SATB2: variants seen among roughly 807,000 people sequenced by gnomAD.
SATB2 encodes the protein DNA-binding protein SATB2.
SATB2 carries 1 observed loss-of-function variant against 73.4 expected under a neutral mutation model. The observed-to-expected ratio is 0.01, with a 90% CI of 0.00 to 0.06. The LOEUF is 0.06. Ranked by LOEUF, SATB2 falls within the 10% of genes least tolerant of loss-of-function variation. SATB2 has a pLI of 1.00. For missense variants in SATB2, 459 were observed against 945.8 expected, an observed-to-expected ratio of 0.49 and a Z score of 6.75; for synonymous variants, 397 against 367.0, an observed-to-expected ratio of 1.08 and a Z score of -0.93.
At position 199,407,377 on chromosome 2, in the gene SATB2, G is replaced by A. The variant is rs181567173; in HGVS notation, c.347-25557C>T. ...CCTGAGGTCAGATGCCCTAATAAGA[G>A]GTGAGGCCAGGATCTGAAAGTTATC... is the stretch of plus-strand genomic sequence containing the variant. On this transcript the variant is annotated intron_variant, in intron 3 of 10. Coordinates refer to ENST00000417098, the MANE Select transcript of SATB2 (RefSeq NM_001172509.2). Among the ~76,000 whole-genome samples, 183 of 151,848 alleles carry A rather than the reference G, an allele frequency of 1.2e-3. 1 individual carries two copies. Among genetic ancestry groups the A allele is most frequent in the Non-Finnish European group, 3.5e-4 (24 of 67,970 alleles).
At chr2:199,458,692 C>T (rs886551354), upstream of SATB2, 4 of 443,296 alleles carry the variant, frequency 9.0e-6, no homozygotes, top group African/African-American at 2.1e-5. Context: ...CCTCGGCTCC[C>T]AGCTCTGTTA....
chr2:199,337,524 C>T (rs1214042908), intron 7 of SATB2, among the ~76,000 whole-genome samples: 3 of 151,964 alleles, frequency 2.0e-5, no homozygotes, highest in Non-Finnish European at 4.4e-5. Flanking sequence ...TTTTTTCTTT[C>T]ATGAAGCCTT....
At chr2:199,368,507 G>A (rs1483295460) in intron 6 of SATB2, 98 bp downstream of exon 6, 24 of 754,310 alleles carry the variant, frequency 3.2e-5, no homozygotes, top group Middle Eastern at 2.7e-4. Context: ...AAAAAATTAC[G>A]TAAATTGTAT....
At chr2:199,390,322 G>A (rs1690092299) in intron 3 of SATB2, among the ~76,000 whole-genome samples, 1 of 152,138 alleles carries the variant, frequency 6.6e-6, no homozygotes. Context: ...AAAGAAAAGT[G>A]TGATGAGAAA....
chr2:199,316,890 C>T lies in SATB2; in HGVS notation c.1542+6913G>A, dbSNP rs72929459. 7.4e-3 allele frequency among the ~76,000 whole-genome samples: 1,126 copies of T among 152,118 alleles called. 10 individuals are homozygous for T. The highest frequency in any genetic ancestry group is 0.011 in the Non-Finnish European group (763 of 68,010). ...ATCCTGGACTTCTTCACTTCAACGGCAGAAAGATATTAACAGCAAAATGCA... is the reference window on the plus strand; with the variant it reads ...ATCCTGGACTTCTTCACTTCAACGGTAGAAAGATATTAACAGCAAAATGCA... On this transcript the variant is annotated intron_variant, in intron 9 of 10. Coordinates refer to ENST00000417098, the MANE Select transcript of SATB2 (RefSeq NM_001172509.2).
chr2:199,448,990 A>G (rs1315788902), intron 2 of SATB2, among the ~76,000 whole-genome samples: 10 of 152,190 alleles, frequency 6.6e-5, no homozygotes, highest in Admixed American at 6.5e-4. Flanking sequence ...TGTCATAATC[A>G]TTAATAAAGA....
At chr2:199,347,911 G>A (rs1376299852) in intron 7 of SATB2, 1 of 152,130 alleles carries the variant, frequency 6.6e-6, no homozygotes, top group Non-Finnish European at 1.5e-5. Flanking sequence ...GATCTTGTTA[G>A]AAATGTCCAT....
chr2:199,325,914 T>C (rs1392829592), intron 8 of SATB2: 2 of 152,214 alleles, frequency 1.3e-5, no homozygotes, highest in Non-Finnish European at 2.9e-5. Flanking sequence ...AAGTACACCA[T>C]GGAATGCTGG....
rs1195214077 is a variant in SATB2 at position 199,433,329 on chromosome 2, C to T, written c.346+9G>A. ...GAGACTTGGGAGGAGAGGGGAGAGG[C>T]ATTAATACCTTGGGCCTGGGCCGCA... On this transcript the variant is annotated intron_variant, in intron 3 of 10. Coordinates refer to ENST00000417098, the MANE Select transcript of SATB2 (RefSeq NM_001172509.2). 1.9e-6 allele frequency: 3 copies of T among 1,612,876 alleles called. No homozygotes were observed. The highest frequency in any genetic ancestry group is 2.5e-6 in the Non-Finnish European group (3 of 1,179,594).
At chr2:199,363,710 C>A (rs1048401328) in intron 6 of SATB2, among the ~76,000 whole-genome samples, 5 of 152,108 alleles carry the variant, frequency 3.3e-5, no homozygotes, top group Admixed American at 6.5e-5. Flanking sequence ...AATCATTTCA[C>A]GTTGTATTAA....
chr2:199,439,448 C>A (rs1244640657), intron 2 of SATB2, among the ~76,000 whole-genome samples: 1 of 152,238 alleles, frequency 6.6e-6, no homozygotes, highest in African/African-American at 2.4e-5. Flanking sequence ...CGAGGGCTAA[C>A]TGGAGATTAT....
chr2:199,351,915 A>G (rs1403620843), intron 6 of SATB2, among the ~76,000 whole-genome samples: 1 of 152,188 alleles, frequency 6.6e-6, no homozygotes, highest in Non-Finnish European at 1.5e-5. Flanking sequence ...CTGTTACCCA[A>G]GATGGAGTGA....
At chr2:199,296,177 A>C (rs1213795214) in intron 10 of SATB2, among the ~76,000 whole-genome samples, 1 of 152,230 alleles carries the variant, frequency 6.6e-6, no homozygotes, top group Non-Finnish European at 1.5e-5. Context: ...TAAGATGTTC[A>C]TAATCTGTTA....
intron 3 of SATB2, among the ~76,000 whole-genome samples, chr2:199,414,642 T>G (rs1559040367): frequency 6.6e-6 from 1 of 152,104 alleles, no homozygotes; most frequent in Non-Finnish European, 1.5e-5. Context: ...CAAGTGATAA[T>G]GGGCTGTGAC....
chr2:199,391,670 G>T (rs575210614), intron 3 of SATB2, among the ~76,000 whole-genome samples: 87 of 151,948 alleles, frequency 5.7e-4, no homozygotes, highest in Admixed American at 1.1e-3. Flanking sequence ...CATTTTAATG[G>T]CCAAAAAAGA....
At chr2:199,402,381 T>C (rs1690509349) in intron 3 of SATB2, among the ~76,000 whole-genome samples, 1 of 151,590 alleles carries the variant, frequency 6.6e-6, no homozygotes, top group African/African-American at 2.4e-5. Context: ...CGAGACTCCA[T>C]CTCAAAAAAA....
chr2:199,454,121 T>C (rs1178933411), intron 2 of SATB2, among the ~76,000 whole-genome samples: 2 of 152,062 alleles, frequency 1.3e-5, no homozygotes, highest in African/African-American at 4.8e-5. Flanking sequence ...ACTAAAGTTA[T>C]CCCTGGTCAA....
At chr2:199,333,266 T>C (rs1688240658) in intron 7 of SATB2, among the ~76,000 whole-genome samples, 1 of 151,846 alleles carries the variant, frequency 6.6e-6, no homozygotes, top group Non-Finnish European at 1.5e-5. Flanking sequence ...TTCCCAGGAG[T>C]TTACCATATG....
chr2:199,400,778 T>C (rs1690448041), intron 3 of SATB2, among the ~76,000 whole-genome samples: 1 of 152,188 alleles, frequency 6.6e-6, no homozygotes, highest in Admixed American at 6.5e-5. Flanking sequence ...GCACCGTAAC[T>C]ATTTAAATTC....
Sources: gnomAD v4.1 joint callset for allele counts (sites outside exome capture counted in the v4.1 genomes callset) on GRCh38, gnomAD v4.1.1 for gene constraint, MANE v1.5 for transcripts, NCBI Gene and HGNC (gene_info 2026-07-23, HGNC 2026-07-21) for gene names.